The following LHFPL6 variants were observed in gnomAD, a reference collection of about 807,000 sequenced individuals.
The protein encoded by LHFPL6 is LHFPL tetraspan subfamily member 6 protein.
Under a neutral mutation model 20.6 loss-of-function variants are expected in LHFPL6, and 9 were observed. The observed-to-expected ratio is 0.44, with a 90% confidence interval of 0.26 to 0.76. The LOEUF (loss-of-function observed/expected upper bound fraction) is 0.76. Ranked by LOEUF, LHFPL6 falls within the 30% of genes least tolerant of loss-of-function variation. The pLI is 0.20. For missense variants in LHFPL6, 218 were observed against 253.5 expected (o/e 0.86, Z 0.95); for synonymous variants, 105 against 98.7 (o/e 1.06, Z -0.38).
At chr13:39,512,016 C>T (rs2138475731) in intron 2 of LHFPL6, among the ~76,000 whole-genome samples, 1 of 152,298 alleles carries the variant, frequency 6.6e-6, no homozygotes, top group Non-Finnish European at 1.5e-5. Flanking sequence ...ATGAGACGAC[C>T]TATTAACACC....
At chr13:39,458,928 C>T (rs1872630285) in intron 2 of LHFPL6, among the ~76,000 whole-genome samples, 1 of 152,162 alleles carries the variant, frequency 6.6e-6, no homozygotes, top group Non-Finnish European at 1.5e-5. Flanking sequence ...TTTCAACACA[C>T]TTTTTTTCCT....
At chr13:39,369,422 G>A (rs1870095604) in intron 3 of LHFPL6, among the ~76,000 whole-genome samples, 1 of 152,006 alleles carries the variant, frequency 6.6e-6, no homozygotes, top group South Asian at 2.1e-4. Flanking sequence ...ACCCTGACTT[G>A]GTTTTTAAAT....
chr13:39,410,691 C>T (rs766347233), intron 2 of LHFPL6, among the ~76,000 whole-genome samples: 1 of 152,096 alleles, frequency 6.6e-6, no homozygotes, highest in Non-Finnish European at 1.5e-5. Context: ...TTGCACAATC[C>T]AGGAGTATTT....
chr13:39,483,409 G>A (rs145979119), intron 2 of LHFPL6, among the ~76,000 whole-genome samples: 389 of 151,202 alleles, frequency 2.6e-3, no homozygotes, highest in African/African-American at 8.6e-3. Flanking sequence ...CCTATCTCAA[G>A]TCTAACATAA....
At chr13:39,436,444 A>T (rs1871959812) in intron 2 of LHFPL6, among the ~76,000 whole-genome samples, 1 of 152,230 alleles carries the variant, frequency 6.6e-6, no homozygotes, top group South Asian at 2.1e-4. Flanking sequence ...ACATGACAGC[A>T]GCTTTAGTCT....
intron 2 of LHFPL6, among the ~76,000 whole-genome samples, chr13:39,440,141 G>A (rs909070506): frequency 6.6e-6 from 1 of 152,204 alleles, no homozygotes; most frequent in Non-Finnish European, 1.5e-5. Context: ...TAGCTCAGAT[G>A]AGCAGAAGAT....
chr13:39,422,878 A>T (rs1007084716), intron 2 of LHFPL6, among the ~76,000 whole-genome samples: 1 of 152,160 alleles, frequency 6.6e-6, no homozygotes, highest in African/African-American at 2.4e-5. Context: ...GGAAACTTAC[A>T]ATCATGGCGG....
At chr13:39,419,731 G>T (rs1871432813) in intron 2 of LHFPL6, among the ~76,000 whole-genome samples, 1 of 151,868 alleles carries the variant, frequency 6.6e-6, no homozygotes, top group African/African-American at 2.4e-5. Flanking sequence ...TAAATATTAG[G>T]CCCATATAGA....
At chr13:39,512,991 G>T (rs111512471) in intron 2 of LHFPL6, among the ~76,000 whole-genome samples, 174 of 152,344 alleles carry the variant, frequency 1.1e-3, no homozygotes, top group African/African-American at 3.8e-3. Context: ...GCTGTCCTGG[G>T]TGTTATTAGA....
chr13:39,590,692 G>A (rs1593376541), intron 2 of LHFPL6, among the ~76,000 whole-genome samples: 1 of 152,332 alleles, frequency 6.6e-6, no homozygotes, highest in East Asian at 1.9e-4. Flanking sequence ...ATTGAATCAT[G>A]TAAGTATCAT....
chr13:39,541,861 G>A (rs1390972705), intron 2 of LHFPL6, among the ~76,000 whole-genome samples: 1 of 151,814 alleles, frequency 6.6e-6, no homozygotes, highest in Admixed American at 6.6e-5. Flanking sequence ...AGGCCGAGGT[G>A]GGTGGATCAC....
chr13:39,518,611 A>G (rs1338272245), intron 2 of LHFPL6, among the ~76,000 whole-genome samples: 1 of 152,172 alleles, frequency 6.6e-6, no homozygotes, highest in African/African-American at 2.4e-5. Context: ...CACTGAATCA[A>G]CCTATAAGGA....
intron 2 of LHFPL6, among the ~76,000 whole-genome samples, chr13:39,509,672 A>C (rs576336461): frequency 8.6e-4 from 131 of 152,336 alleles, no homozygotes; most frequent in African/African-American, 3.0e-3. Context: ...TTTAAAATAA[A>C]GATGGGGCCA....
chr13:39,578,102 C>T (rs539189024), intron 2 of LHFPL6, among the ~76,000 whole-genome samples: 1 of 152,318 alleles, frequency 6.6e-6, no homozygotes, highest in Non-Finnish European at 1.5e-5. Context: ...AGTGCATTCA[C>T]CACCTTTAAA....
chr13:39,553,672 A>C (rs9548818), intron 2 of LHFPL6, among the ~76,000 whole-genome samples: 34 of 152,368 alleles, frequency 2.2e-4, no homozygotes, highest in Non-Finnish European at 4.1e-4. Flanking sequence ...TGATTGCGCC[A>C]CTGCGCTACA....
intron 2 of LHFPL6, among the ~76,000 whole-genome samples, chr13:39,409,592 C>A (rs1276848035): frequency 6.6e-6 from 1 of 152,182 alleles, no homozygotes; most frequent in African/African-American, 2.4e-5. Flanking sequence ...TGTCTCTGGG[C>A]CAAGCTGTAC....
intron 2 of LHFPL6, among the ~76,000 whole-genome samples, chr13:39,435,220 C>A (rs1268966885): frequency 1.3e-5 from 2 of 152,014 alleles, no homozygotes; most frequent in East Asian, 3.9e-4. Context: ...GCCAAATTAA[C>A]CTTTTTTTAA....
rs551685614 is a variant in LHFPL6 at position 39,368,341 on chromosome 13, T to C, written c.484+10087A>G. Among the ~76,000 whole-genome samples the C allele has an allele frequency of 1.3e-3, 203 of 150,978 alleles. 1 individual carries two copies. Among genetic ancestry groups the C allele is most frequent in the African/African-American group, 4.8e-3 (198 of 41,122 alleles). On this transcript the variant is annotated intron_variant, in intron 3 of 3. Coordinates refer to ENST00000379589, the MANE Select transcript of LHFPL6 (RefSeq NM_005780.3). The stretch of plus-strand genomic sequence containing the variant: ...GCTCACGCCTGTAACCTCAGCACTT[T>C]GGGAGGCTGAGGCGGGCAGATAACG...
chr13:39,561,997 CTAA>C (rs1418706157), intron 2 of LHFPL6, among the ~76,000 whole-genome samples: 3 of 152,176 alleles, frequency 2.0e-5, no homozygotes, highest in Non-Finnish European at 1.5e-5. Context: ...GCCAAATCTT[CTAA>C]TTTCAAGTTC....
Sources: allele counts gnomAD v4.1 joint callset (sites outside exome capture counted in the v4.1 genomes callset), GRCh38; gene constraint gnomAD v4.1.1; transcripts MANE v1.5; gene names NCBI Gene and HGNC (gene_info 2026-07-23, HGNC 2026-07-21).